The following AJAP1 variants were observed in gnomAD, a reference collection of about 807,000 sequenced individuals.
AJAP1 encodes the protein adherens junctions associated protein 1, also known as adherens junction-associated protein 1.
A neutral mutation model predicts 35.0 loss-of-function variants in AJAP1; 5 were observed. That is an observed-to-expected ratio of 0.14 (90% CI 0.07 to 0.30). The LOEUF is 0.30. Among genes scored for constraint, AJAP1 ranks in the 10% least tolerant of loss-of-function variants. AJAP1 has a pLI of 1.00. For missense variants in AJAP1, 586 were observed against 571.0 expected (o/e 1.03, Z -0.27); for synonymous variants, 284 against 249.3 (o/e 1.14, Z -1.31).
chr1:4,713,572 CA>C (rs1221676973), intron 2 of AJAP1, among the ~76,000 whole-genome samples: 2 of 152,226 alleles, frequency 1.3e-5, no homozygotes, highest in East Asian at 3.9e-4. Context: ...GCACTGATGT[CA>C]CCAGGCTTCA....
chr1:4,662,395 A>G (rs1343459519), intron 1 of AJAP1, among the ~76,000 whole-genome samples: 1 of 152,116 alleles, frequency 6.6e-6, no homozygotes, highest in African/African-American at 2.4e-5. Context: ...AGGTGTGTCT[A>G]CGCAGTAGCT....
chr1:4,774,240 C>T (rs942618829), intron 4 of AJAP1, among the ~76,000 whole-genome samples, 187 bp from the exon 5 acceptor site: 3 of 152,176 alleles, frequency 2.0e-5, no homozygotes, highest in Non-Finnish European at 4.4e-5. Context: ...AGAAAGCATT[C>T]GTGTGTGAGG....
rs1472589582 is a variant in AJAP1 at position 4,720,224 on chromosome 1, T to G, written c.829+7525T>G. On this transcript the variant is annotated intron_variant, in intron 2 of 5. Coordinates refer to ENST00000378191, the MANE Select transcript of AJAP1 (RefSeq NM_018836.4). The surrounding 1 kb of genome is among the most constrained non-coding windows in gnomAD (Gnocchi z 4.4). ...GACCCATGTGCCACGTGGTTAGACA[T>G]GAAGACAGGCTTCGGGTCCCCGCTT... Among the ~76,000 whole-genome samples, 2 of 152,306 alleles carry G rather than the reference T, an allele frequency of 1.3e-5. No individual in the cohort carries two copies. Among genetic ancestry groups the G allele is most frequent in the Admixed American group, 6.5e-5 (1 of 15,300 alleles).
chr1:4,747,886 G>A (rs1206563370), intron 2 of AJAP1, among the ~76,000 whole-genome samples: 1 of 151,892 alleles, frequency 6.6e-6, no homozygotes, highest in East Asian at 1.9e-4. Context: ...CAGCTACTTG[G>A]GAGGCTGAGG....
chr1:4,690,057 G>A (rs1006181350), intron 1 of AJAP1, among the ~76,000 whole-genome samples: 2 of 152,054 alleles, frequency 1.3e-5, no homozygotes, highest in Admixed American at 6.5e-5. Context: ...CCTGGCCAAC[G>A]ATGGATGCAT....
intron 1 of AJAP1, among the ~76,000 whole-genome samples, chr1:4,676,009 G>A (rs1160885932): frequency 6.6e-6 from 1 of 152,200 alleles, no homozygotes; most frequent in Admixed American, 6.5e-5. Flanking sequence ...CCGTCTTGTG[G>A]GCTCCCAGCT....
At chr1:4,766,683 T>C (rs1641693359) in intron 2 of AJAP1, among the ~76,000 whole-genome samples, 1 of 152,182 alleles carries the variant, frequency 6.6e-6, no homozygotes, top group Admixed American at 6.5e-5. Context: ...GCAAGAAAAG[T>C]CTGTGCAGGG....
chr1:4,774,601 C>A, intron 5 of AJAP1, 43 bp downstream of exon 5: 1 of 1,141,968 alleles, frequency 8.8e-7, no homozygotes, highest in Non-Finnish European at 1.3e-6. Context: ...GTTCCCTTTC[C>A]TCCCCTCCCC....
At chr1:4,678,364 G>A (rs147774015) in intron 1 of AJAP1, among the ~76,000 whole-genome samples, 2 of 152,268 alleles carry the variant, frequency 1.3e-5, no homozygotes, top group East Asian at 3.9e-4. Flanking sequence ...ATGTTCCCTG[G>A]GTCAGGAGTC....
chr1:4,780,784 C>T (rs1642044059), intron 5 of AJAP1, among the ~76,000 whole-genome samples: 1 of 151,840 alleles, frequency 6.6e-6, no homozygotes, highest in African/African-American at 2.4e-5. Context: ...GGTGTGCGCC[C>T]CCATGCCTAA....
At chr1:4,771,135 A>G (rs996209725) in intron 3 of AJAP1, among the ~76,000 whole-genome samples, 1 of 152,058 alleles carries the variant, frequency 6.6e-6, no homozygotes, top group African/African-American at 2.4e-5. Context: ...TGCTTTTCTC[A>G]CACTCGAGCT....
chr1:4,774,359 C>T, intron 4 of AJAP1, 68 bp from the exon 5 acceptor site: 7 of 1,462,984 alleles, frequency 4.8e-6, no homozygotes, highest in Non-Finnish European at 6.7e-6. Flanking sequence ...CAGGCCTGCC[C>T]CGGCTTGCCT....
At chr1:4,694,567 A>G (rs1278284159) in intron 1 of AJAP1, among the ~76,000 whole-genome samples, 1 of 152,226 alleles carries the variant, frequency 6.6e-6, no homozygotes, top group Non-Finnish European at 1.5e-5. Context: ...CAGATGGAAC[A>G]TTACAAACTG....
At chr1:4,703,044 G>A (rs546365138) in intron 1 of AJAP1, among the ~76,000 whole-genome samples, 2 of 152,214 alleles carry the variant, frequency 1.3e-5, no homozygotes, top group South Asian at 4.2e-4. Flanking sequence ...TATCGCATGC[G>A]CGCTGGACGT....
Position 4,769,874 on chromosome 1 carries a change from TCA to T in AJAP1, c.853_854del (p.Thr285HisfsTer66). 1 of 1,614,028 alleles carries T rather than the reference TCA, an allele frequency of 6.2e-7. No homozygotes were observed. Among genetic ancestry groups the T allele is most frequent in the Non-Finnish European group, 8.5e-7 (1 of 1,179,966 alleles). Reference sequence around the variant, plus strand: ...CCAGGTCTGGCTGTCCATCAGATCATCACCATCACCGTCTCCCTCATCATGGT... The same window carrying T: ...CCAGGTCTGGCTGTCCATCAGATCATCCATCACCGTCTCCCTCATCATGGT... On this transcript the variant is annotated frameshift_variant, in exon 3 of 6. Coordinates refer to ENST00000378191, the MANE Select transcript of AJAP1 (RefSeq NM_018836.4). LOFTEE classifies it high-confidence loss of function.
chr1:4,658,244 G>T (rs1638926499), intron 1 of AJAP1, among the ~76,000 whole-genome samples: 1 of 152,186 alleles, frequency 6.6e-6, no homozygotes, highest in South Asian at 2.1e-4. Context: ...TGTCCCTGCG[G>T]CCATCCCATC....
intron 2 of AJAP1, among the ~76,000 whole-genome samples, chr1:4,721,238 C>T (rs1196492072): frequency 1.3e-5 from 2 of 152,170 alleles, no homozygotes; most frequent in South Asian, 2.1e-4. Flanking sequence ...TCTCCTGACT[C>T]CAGGACTGTG....
intron 2 of AJAP1, among the ~76,000 whole-genome samples, chr1:4,740,099 A>T (rs1407418090): frequency 2.6e-5 from 4 of 152,112 alleles, no homozygotes; most frequent in Non-Finnish European, 5.9e-5. Context: ...CAATATTCGA[A>T]GTCACACCTC....
chr1:4,743,913 G>C (rs1441336530), intron 2 of AJAP1, among the ~76,000 whole-genome samples: 1 of 142,774 alleles, frequency 7.0e-6, no homozygotes, highest in Non-Finnish European at 1.5e-5. Context: ...ACGGCACCCT[G>C]GACCATCACT....
Sources: allele counts gnomAD v4.1 joint callset (sites outside exome capture counted in the v4.1 genomes callset), GRCh38; gene constraint gnomAD v4.1.1; non-coding constraint Gnocchi (gnomAD v3.1); transcripts MANE v1.5; gene names NCBI Gene and HGNC (gene_info 2026-07-23, HGNC 2026-07-21).